The following AGMO variants were observed in gnomAD, a reference collection of about 807,000 sequenced individuals.
AGMO encodes the protein glyceryl-ether monooxygenase.
AGMO carries 75 observed loss-of-function variants against 60.2 expected under a neutral mutation model. The observed-to-expected ratio is 1.25, with a 90% confidence interval of 1.03 to 1.51. AGMO has a LOEUF of 1.51. Ranked by LOEUF, AGMO falls within the 40% of genes most tolerant of loss-of-function variation. The pLI is 0.00. For missense variants in AGMO, 763 were observed against 525.5 expected, an observed-to-expected ratio of 1.45 and a Z score of -4.42; for synonymous variants, 261 against 177.1, an observed-to-expected ratio of 1.47 and a Z score of -3.76.
intron 12 of AGMO, among the ~76,000 whole-genome samples, chr7:15,247,449 CACACACACACAG>C (rs1487856897): frequency 8.6e-6 from 1 of 116,426 alleles, no homozygotes; most frequent in African/African-American, 3.4e-5. Flanking sequence ...CACACACACA[CACACACACACAG>C]AGAGAGAGAG....
At chr7:15,400,475 T>C (rs995735849) in intron 5 of AGMO, among the ~76,000 whole-genome samples, 1 of 152,152 alleles carries the variant, frequency 6.6e-6, no homozygotes, top group Non-Finnish European at 1.5e-5. Flanking sequence ...TGGGTATGAG[T>C]GTCATTCCGT....
At chr7:15,270,635 T>TTTTTTTTTTTTTTTTG (rs1563063233) in intron 12 of AGMO, among the ~76,000 whole-genome samples, 1 of 116,300 alleles carries the variant, frequency 8.6e-6, no homozygotes, top group African/African-American at 3.4e-5. Flanking sequence ...TTTTTTTTTT[T>TTTTTTTTTTTTTTTTG]TTGCTGTGCA....
At chr7:15,512,817 CTA>C (rs745333738) in intron 3 of AGMO, among the ~76,000 whole-genome samples, 4 of 152,044 alleles carry the variant, frequency 2.6e-5, no homozygotes, top group African/African-American at 7.3e-5. Context: ...ACTTTATTCT[CTA>C]TGTTTGCTAT....
the AGMO span, among the ~76,000 whole-genome samples, chr7:15,136,317 A>T: frequency 6.5e-5 from 8 of 122,206 alleles, no homozygotes; most frequent in Non-Finnish European, 1.5e-4. Context: ...GATGTGTCAC[A>T]TTGTAAAAAA....
chr7:15,451,686 A>C (rs921911082), intron 3 of AGMO, among the ~76,000 whole-genome samples: 3 of 152,316 alleles, frequency 2.0e-5, no homozygotes, highest in African/African-American at 4.8e-5. Context: ...AGAGTGATAA[A>C]AGAAAAACTT....
chr7:15,329,609 G>C (rs1195593662), intron 12 of AGMO, among the ~76,000 whole-genome samples: 1 of 152,196 alleles, frequency 6.6e-6, no homozygotes, highest in Non-Finnish European at 1.5e-5. Context: ...TTTTCATATA[G>C]TTAACATTTA....
chr7:15,323,192 C>T (rs1178268990), intron 12 of AGMO, among the ~76,000 whole-genome samples: 2 of 151,994 alleles, frequency 1.3e-5, no homozygotes, highest in Non-Finnish European at 2.9e-5. Flanking sequence ...TTGTTTCTCA[C>T]AGTGCAGATG....
At position 15,201,355 on chromosome 7, in the gene AGMO, A is replaced by C; in HGVS notation, c.1268T>G (p.Val423Gly). 1 of 1,611,690 alleles carries C rather than the reference A, an allele frequency of 6.2e-7. No individual in the cohort carries two copies. Among genetic ancestry groups the C allele is most frequent in the Non-Finnish European group, 8.5e-7 (1 of 1,178,638 alleles). The change falls in exon 13 of 13, where the codon GTT becomes GGT. Residue 423 changes from valine to glycine, a missense_variant. Val to Gly is a moderately radical substitution (Grantham distance 109). Transcript: ENST00000342526. ...CCAGAAAGCAATGCAAATGGAAAAA[A>C]CAATCTGAAGAAATAAAACACAAAG... ...VPSLSSAFEIVFSICIAFWGV... is the reference protein window; with the variant it reads ...VPSLSSAFEIGFSICIAFWGV...
At chr7:15,521,992 C>T (rs1282776817) in intron 3 of AGMO, among the ~76,000 whole-genome samples, 1 of 152,170 alleles carries the variant, frequency 6.6e-6, no homozygotes, top group African/African-American at 2.4e-5. Context: ...TAAGCAAACT[C>T]AGCAAAGTCT....
chr7:15,156,575 T>A, the AGMO span, among the ~76,000 whole-genome samples: 1 of 152,234 alleles, frequency 6.6e-6, no homozygotes, highest in Admixed American at 6.5e-5. Flanking sequence ...TGGAATCTCC[T>A]GCAGCTAGGA....
At chr7:15,449,327 T>G (rs1220826283) in intron 3 of AGMO, among the ~76,000 whole-genome samples, 1 of 58,522 alleles carries the variant, frequency 1.7e-5, no homozygotes, top group South Asian at 4.4e-4. Context: ...TAAGAGTGCT[T>G]CTCTTTCTCT....
At chr7:15,406,008 T>C (rs1332208851) in intron 5 of AGMO, among the ~76,000 whole-genome samples, 1 of 151,860 alleles carries the variant, frequency 6.6e-6, no homozygotes, top group Admixed American at 6.6e-5. Flanking sequence ...TAAATTCCAA[T>C]CCTTTCACAA....
intron 12 of AGMO, among the ~76,000 whole-genome samples, chr7:15,302,566 A>C (rs1285870559): frequency 6.6e-6 from 1 of 152,214 alleles, no homozygotes; most frequent in Non-Finnish European, 1.5e-5. Context: ...AAAATCTTTG[A>C]AAATGACAAT....
chr7:15,539,435 TC>T (rs1784563827), intron 3 of AGMO, among the ~76,000 whole-genome samples: 1 of 151,286 alleles, frequency 6.6e-6, no homozygotes. Context: ...GATAATGTCC[TC>T]CAACTCTATC....
chr7:15,528,536 T>G (rs1784185633), intron 3 of AGMO, among the ~76,000 whole-genome samples: 1 of 152,088 alleles, frequency 6.6e-6, no homozygotes, highest in Non-Finnish European at 1.5e-5. Flanking sequence ...CTCAATCTAA[T>G]CAATCCAGAG....
chr7:15,465,324 A>T (rs926366969), intron 3 of AGMO, among the ~76,000 whole-genome samples: 1 of 151,228 alleles, frequency 6.6e-6, no homozygotes, highest in South Asian at 2.1e-4. Context: ...TTCCGAAATT[A>T]GAGTGTGTGT....
At chr7:15,370,154 A>G (rs1242588989) in intron 10 of AGMO, among the ~76,000 whole-genome samples, 1 of 152,064 alleles carries the variant, frequency 6.6e-6, no homozygotes, top group East Asian at 1.9e-4. Flanking sequence ...AACTTGCAAT[A>G]TTTGGTTTTC....
At chr7:15,335,344 CA>C (rs1271717108) in intron 12 of AGMO, among the ~76,000 whole-genome samples, 13 of 152,128 alleles carry the variant, frequency 8.5e-5, no homozygotes, top group African/African-American at 3.1e-4. Context: ...GCAGCAAACT[CA>C]TATTACTCTT....
chr7:15,342,757 A>C (rs1296008447), intron 12 of AGMO, among the ~76,000 whole-genome samples: 1 of 114,634 alleles, frequency 8.7e-6, no homozygotes, highest in African/African-American at 3.3e-5. Flanking sequence ...TTTGTTCTTT[A>C]TGTGGGAGTA....
Sources: allele counts gnomAD v4.1 joint callset (sites outside exome capture counted in the v4.1 genomes callset), GRCh38; gene constraint gnomAD v4.1.1; transcripts MANE v1.5; gene names NCBI Gene and HGNC (gene_info 2026-07-23, HGNC 2026-07-21).